ZNF385A: variants seen among roughly 807,000 people sequenced by gnomAD.
ZNF385A encodes the protein zinc finger protein 385A.
In ZNF385A, 14 loss-of-function variants were observed where a neutral mutation model predicts 32.1. The ratio of observed to expected loss-of-function variants is 0.44; its 90% CI spans 0.29 to 0.68. The LOEUF is 0.68. ZNF385A is among the 30% of genes least tolerant of loss of function. The pLI, the probability that ZNF385A is intolerant of heterozygous loss-of-function variation, is 0.14. For missense variants in ZNF385A, 406 were observed against 478.4 expected (o/e 0.85, Z 1.41); for synonymous variants, 197 against 202.7 (o/e 0.97, Z 0.24).
At chr12:54,379,120 G>T (rs1430865749) in intron 1 of ZNF385A, 8 of 980,942 alleles carry the variant, frequency 8.2e-6, no homozygotes, top group South Asian at 9.4e-5. Flanking sequence ...GACCCGGGCT[G>T]GGGGGCCGCG....
At chr12:54,372,907 C>G in intron 3 of ZNF385A, 1 of 219,564 alleles carries the variant, frequency 4.6e-6, no homozygotes, top group South Asian at 4.3e-5. Flanking sequence ...GGTGTGGTGG[C>G]AGGTGCCTGT....
rs532407591 is a variant in ZNF385A at position 54,375,973 on chromosome 12, G to T, written c.88-19C>A. 1.2e-6 allele frequency: 2 copies of T among 1,605,742 alleles called. No individual in the cohort carries two copies. Among genetic ancestry groups the T allele is most frequent in the African/African-American group, 1.3e-5 (1 of 74,892 alleles). On this transcript the variant is annotated intron_variant, in intron 1 of 6. Coordinates refer to ENST00000394313, the MANE Select transcript of ZNF385A (RefSeq NM_015481.3). ...GGTCCATCTGTGGAGGCAGGCTGGGGTGAGCCGGGAACCCTAGCGCAACTC... is the reference window on the plus strand; with the variant it reads ...GGTCCATCTGTGGAGGCAGGCTGGGTTGAGCCGGGAACCCTAGCGCAACTC...
In ZNF385A at chr12:54,384,720, CA is replaced by C. The variant is rs1955378941; in HGVS notation, c.-207del. On this transcript the variant is annotated 5_prime_UTR_variant, in exon 1 of 7. It adds an upstream start codon to the 5' untranslated region. Coordinates refer to ENST00000394313, the MANE Select transcript of ZNF385A (RefSeq NM_015481.3). ...CACACTTCCCCTGCTGGCTCCAGAG[CA>C]ATGGAGCACAGTGCCCTGTGGGCCT... The C allele has an allele frequency of 1.5e-6, 2 of 1,333,448 alleles. No individual in the cohort carries two copies. The allele number at this position is 1,333,448 out of a possible 1,614,324, so 82.6% of individuals were successfully genotyped here.
At chr12:54,384,314 T>G in intron 1 of ZNF385A, 114 bp downstream of exon 1, 1 of 1,242,736 alleles carries the variant, frequency 8.0e-7, no homozygotes, top group Non-Finnish European at 1.1e-6. Flanking sequence ...TTAAGGAAGA[T>G]GGGGTCATAA....
At chr12:54,378,921 G>T in intron 1 of ZNF385A, 1 of 364,796 alleles carries the variant, frequency 2.7e-6, no homozygotes, top group Non-Finnish European at 3.8e-6. Flanking sequence ...GGTTAGGGCC[G>T]CGCCGATGTG....
intron 3 of ZNF385A, 147 bp downstream of exon 3, chr12:54,373,826 T>C: frequency 1.3e-6 from 1 of 775,766 alleles, no homozygotes; most frequent in Non-Finnish European, 1.8e-6. Context: ...TACATCACTG[T>C]GCCTGGCTCC....
rs1027345980 is a variant in ZNF385A at position 54,369,993 on chromosome 12, G to T, written c.*263C>A. 1 of 389,126 alleles carries T rather than the reference G, an allele frequency of 2.6e-6. No homozygotes were observed. Among genetic ancestry groups the T allele is most frequent in the Non-Finnish European group, 4.6e-6 (1 of 218,346 alleles). 24.1% of individuals were successfully genotyped at this position (389,126 alleles called of 1,614,324 possible). A position where few individuals can be genotyped will look rare whatever the true frequency, so the allele number is the denominator to read the frequency against. On this transcript the variant is annotated 3_prime_UTR_variant, in exon 7 of 7. Coordinates refer to ENST00000394313, the MANE Select transcript of ZNF385A (RefSeq NM_015481.3). ...TGGGAGGGGGGGTGTCTCCAAGGGG[G>T]CTCGGGGGTGAGACGGCCCCCCCTT...
rs537053185 is a variant in ZNF385A at position 54,384,011 on chromosome 12, C to T, written c.87+417G>A. Among the ~76,000 whole-genome samples, 39 of 152,322 alleles carry T rather than the reference C, an allele frequency of 2.6e-4. No individual in the cohort carries two copies. In the South Asian group the frequency reaches 6.8e-3, roughly 27 times the overall value. On this transcript the variant is annotated intron_variant, in intron 1 of 6. Transcript: ENST00000394313. The stretch of plus-strand genomic sequence containing the variant: ...ATCCCACTGATGCTACCCACCCAGC[C>T]GTGGACTGCAGAGAGGTGAAACTTA...
Position 54,370,552 on chromosome 12 carries a change from G to A in ZNF385A, c.871-66C>T, listed in dbSNP as rs1010932233. ...GGTCCTGCAAACCCCACCTCTCCCT[G>A]GGCAAAGCCCGCGTCCCTCTCTCCT... On this transcript the variant is annotated intron_variant, in intron 6 of 6. Coordinates refer to ENST00000394313, the MANE Select transcript of ZNF385A (RefSeq NM_015481.3). This position sits in a 1 kb window ranked among gnomAD's most constrained non-coding sequence, Gnocchi z 5.5. The A allele has an allele frequency of 5.2e-6, 8 of 1,551,198 alleles. No individual in the cohort carries two copies. Among genetic ancestry groups the A allele is most frequent in the Middle Eastern group, 1.7e-4 (1 of 5,978 alleles).
At chr12:54,373,646 A>G (rs1954679388) in intron 3 of ZNF385A, among the ~76,000 whole-genome samples, 1 of 152,152 alleles carries the variant, frequency 6.6e-6, no homozygotes, top group Admixed American at 6.5e-5. Flanking sequence ...CCCTCTCCCT[A>G]AGATGAAAAG....
At position 54,370,548 on chromosome 12, in the gene ZNF385A, C is replaced by A. The variant is rs1954476705; in HGVS notation, c.871-62G>T. ...CGGCGGTCCTGCAAACCCCACCTCT[C>A]CCTGGGCAAAGCCCGCGTCCCTCTC... On this transcript the variant is annotated intron_variant, in intron 6 of 6. Transcript: ENST00000394313. This position sits in a 1 kb window ranked among gnomAD's most constrained non-coding sequence, Gnocchi z 5.5. The A allele has an allele frequency of 6.4e-7, 1 of 1,551,222 alleles. No homozygotes were observed. The highest frequency in any genetic ancestry group is 2.4e-5 in the East Asian group (1 of 41,026).
In ZNF385A at chr12:54,369,926, T is replaced by G; in HGVS notation, c.*330A>C. On this transcript the variant is annotated 3_prime_UTR_variant, in exon 7 of 7. Transcript: ENST00000394313. Reference sequence around the variant, plus strand: ...CCGACCATGGCTTGTGAACCCCGTTTTGTGCTAGGTTTGGGGGGAAGGGCT... The same window carrying G: ...CCGACCATGGCTTGTGAACCCCGTTGTGTGCTAGGTTTGGGGGGAAGGGCT... 21 of 232,602 alleles carry G rather than the reference T, an allele frequency of 9.0e-5. No homozygotes were observed. Among genetic ancestry groups the G allele is most frequent in the Middle Eastern group, 1.3e-3 (1 of 768 alleles). 14.4% of individuals were successfully genotyped at this position (232,602 alleles called of 1,614,324 possible).
chr12:54,383,147 T>A (rs982709409), intron 1 of ZNF385A, among the ~76,000 whole-genome samples: 1 of 152,038 alleles, frequency 6.6e-6, no homozygotes, highest in Non-Finnish European at 1.5e-5. Context: ...CCTGAGAGAT[T>A]GAGCAAGACT....
chr12:54,379,150 C>T (rs1164492376), intron 1 of ZNF385A: 20 of 980,898 alleles, frequency 2.0e-5, no homozygotes, highest in Non-Finnish European at 2.4e-5. Context: ...GCCGGGCAGG[C>T]CAGGGACGCG....
intron 3 of ZNF385A, among the ~76,000 whole-genome samples, chr12:54,373,235 G>A (rs1343970421): frequency 6.6e-6 from 1 of 151,590 alleles, no homozygotes; most frequent in African/African-American, 2.4e-5. Context: ...TTCTTAGGGT[G>A]GGGCAGGAAG....
chr12:54,370,220 G>A lies in ZNF385A; in HGVS notation c.*36C>T. The A allele has an allele frequency of 1.4e-6, 2 of 1,404,426 alleles. No individual in the cohort carries two copies. The highest frequency in any genetic ancestry group is 1.5e-5 in the African/African-American group (1 of 67,290). 87.0% of individuals were successfully genotyped at this position (1,404,426 alleles called of 1,614,324 possible). ...CCCGGACGCCTGGGTCCCGGCTGGA[G>A]GTGGGGAGTTGAATGGGAGGGGTTC... On this transcript the variant is annotated 3_prime_UTR_variant, in exon 7 of 7. Transcript: ENST00000394313. The surrounding 1 kb of genome is among the most constrained non-coding windows in gnomAD (Gnocchi z 5.5).
chr12:54,377,004 G>A (rs1954880233), intron 1 of ZNF385A, among the ~76,000 whole-genome samples: 1 of 152,196 alleles, frequency 6.6e-6, no homozygotes, highest in Non-Finnish European at 1.5e-5. Flanking sequence ...GGGATCAAGT[G>A]AAAAATAGTT....
intron 1 of ZNF385A, among the ~76,000 whole-genome samples, chr12:54,377,811 A>G (rs529886322): frequency 6.6e-6 from 1 of 152,228 alleles, no homozygotes; most frequent in Admixed American, 6.5e-5. Flanking sequence ...TCAAACAGAA[A>G]CTCAAGTTGG....
intron 2 of ZNF385A, among the ~76,000 whole-genome samples, chr12:54,375,441 C>T (rs890728414): frequency 5.9e-5 from 9 of 151,596 alleles, no homozygotes; most frequent in African/African-American, 1.7e-4. Flanking sequence ...TTAGCAGAGG[C>T]CAAAGAGGAC....
Sources: gnomAD v4.1 joint callset for allele counts (sites outside exome capture counted in the v4.1 genomes callset) on GRCh38, gnomAD v4.1.1 for gene constraint, Gnocchi (gnomAD v3.1) non-coding constraint, MANE v1.5 for transcripts, NCBI Gene and HGNC (gene_info 2026-07-23, HGNC 2026-07-21) for gene names.